RBPJ: variants seen among roughly 807,000 people sequenced by gnomAD.
RBPJ encodes the protein recombining binding protein suppressor of hairless.
RBPJ carries 9 observed loss-of-function variants against 67.8 expected under a neutral mutation model. The ratio of observed to expected loss-of-function variants is 0.13; its 90% confidence interval spans 0.08 to 0.23. The LOEUF (loss-of-function observed/expected upper bound fraction) is 0.23. Among genes scored for constraint, RBPJ ranks in the 10% least tolerant of loss-of-function variants. RBPJ has a pLI of 1.00. For synonymous variants in RBPJ, 198 were observed against 203.3 expected (o/e 0.97, Z 0.22); for missense variants, 305 against 595.6 (o/e 0.51, Z 5.08).
At chr4:26,161,221 G>A (rs1343998099), upstream of RBPJ, among the ~76,000 whole-genome samples, 1 of 152,210 alleles carries the variant, frequency 6.6e-6, no homozygotes, top group East Asian at 1.9e-4. Context: ...GTCGTCTGCT[G>A]GAGGGTGACA....
At chr4:26,381,284 C>A (rs1013104324) in intron 1 of RBPJ, among the ~76,000 whole-genome samples, 4 of 151,896 alleles carry the variant, frequency 2.6e-5, no homozygotes, top group Non-Finnish European at 5.9e-5. Context: ...GAAAACAATA[C>A]CTCCTCTGTG....
At chr4:26,414,504 A>G (rs774863910) in intron 3 of RBPJ, among the ~76,000 whole-genome samples, 8 of 152,178 alleles carry the variant, frequency 5.3e-5, no homozygotes, top group African/African-American at 1.9e-4. Flanking sequence ...CCGTTCACCC[A>G]TTTATATTAC....
Position 26,424,624 on chromosome 4 carries a change from A to T in RBPJ, c.635-7A>T. ...GACAATTTGATTTATTTTTCCACCT[A>T]CTGCAGTGGATGATGATGAATCAGA... On this transcript the variant is annotated splice_region_variant and splice_polypyrimidine_tract_variant and intron_variant, in intron 6 of 10. Transcript: ENST00000355476. This position sits in a 1 kb window ranked among gnomAD's most constrained non-coding sequence, Gnocchi z 5.3. 6.5e-7 allele frequency: 1 copy of T among 1,532,708 alleles called. No homozygotes were observed. 94.9% of individuals were successfully genotyped at this position (1,532,708 alleles called of 1,614,324 possible).
intron 1 of RBPJ, among the ~76,000 whole-genome samples, chr4:26,381,432 TA>T (rs199901313): frequency 5.3e-5 from 8 of 151,948 alleles, no homozygotes; most frequent in South Asian, 2.1e-4. Context: ...GATTGCAGCT[TA>T]AAAAAAATCT....
chr4:26,113,379 A>G, the RBPJ span: 8,012 of 547,358 alleles, frequency 0.015, 95 homozygotes, highest in Non-Finnish European at 0.02. Flanking sequence ...ACTCAGCTTC[A>G]GAGAACACAC....
At chr4:26,232,422 A>G (rs879373779) in intron 1 of RBPJ, among the ~76,000 whole-genome samples, 13 of 151,898 alleles carry the variant, frequency 8.6e-5, no homozygotes, top group African/African-American at 1.2e-4. Context: ...TACTTTTTGT[A>G]GAGACAGGCT....
At chr4:26,203,882 T>C (rs918605410) in intron 1 of RBPJ, among the ~76,000 whole-genome samples, 1 of 152,224 alleles carries the variant, frequency 6.6e-6, no homozygotes, top group South Asian at 2.1e-4. Flanking sequence ...GTTCTGGTCC[T>C]GATGCTACCT....
At chr4:26,199,965 C>G (rs991697191) in intron 1 of RBPJ, among the ~76,000 whole-genome samples, 3 of 152,128 alleles carry the variant, frequency 2.0e-5, no homozygotes, top group African/African-American at 7.2e-5. Context: ...GGGAGCTGTG[C>G]CATGTGATTC....
At chr4:26,328,440 A>G (rs1027608730) in intron 1 of RBPJ, among the ~76,000 whole-genome samples, 1 of 152,204 alleles carries the variant, frequency 6.6e-6, no homozygotes, top group African/African-American at 2.4e-5. Context: ...TTATTGTGTA[A>G]GGGAGATTAT....
intron 1 of RBPJ, among the ~76,000 whole-genome samples, chr4:26,301,628 C>T (rs1160328721): frequency 6.6e-6 from 1 of 150,940 alleles, no homozygotes; most frequent in Non-Finnish European, 1.5e-5. Context: ...ATTTTTTTTA[C>T]ATGCATGCAG....
chr4:26,362,211 A>G (rs972555483), intron 1 of RBPJ, among the ~76,000 whole-genome samples: 9 of 152,196 alleles, frequency 5.9e-5, no homozygotes, highest in African/African-American at 2.2e-4. Context: ...TGAGAAGAAA[A>G]TTGAAGAAAC....
chr4:26,142,584 T>G, the RBPJ span, among the ~76,000 whole-genome samples: 1 of 152,238 alleles, frequency 6.6e-6, no homozygotes, highest in Admixed American at 6.5e-5. Context: ...GTATCACACA[T>G]GCCTTATCAG....
At chr4:26,184,193 A>G (rs373733065) in intron 1 of RBPJ, among the ~76,000 whole-genome samples, 3 of 99,308 alleles carry the variant, frequency 3.0e-5, no homozygotes, top group Non-Finnish European at 6.1e-5. Context: ...AAAAAAAAAA[A>G]AAAGAAAGAA....
At chr4:26,339,429 T>C (rs974342232) in intron 1 of RBPJ, among the ~76,000 whole-genome samples, 4 of 151,660 alleles carry the variant, frequency 2.6e-5, no homozygotes, top group Non-Finnish European at 4.4e-5. Context: ...CGGTCAGGAG[T>C]TCGAGACTAG....
intron 1 of RBPJ, among the ~76,000 whole-genome samples, chr4:26,300,758 A>G (rs1722048147): frequency 6.6e-6 from 1 of 152,248 alleles, no homozygotes; most frequent in South Asian, 2.1e-4. Flanking sequence ...GCTTAGTAAC[A>G]GCCCCTGGCT....
At chr4:26,265,980 A>G (rs973151063) in intron 1 of RBPJ, among the ~76,000 whole-genome samples, 2 of 152,002 alleles carry the variant, frequency 1.3e-5, no homozygotes, top group African/African-American at 4.8e-5. Context: ...AGGTTGCTTC[A>G]CGATCGCACT....
the RBPJ span, among the ~76,000 whole-genome samples, chr4:26,156,753 C>T: frequency 1.6e-4 from 25 of 152,208 alleles, no homozygotes; most frequent in Middle Eastern, 0.01. Flanking sequence ...CCATGCCCAG[C>T]ATAGGTTATA....
chr4:26,170,924 T>C (rs1270375983), intron 1 of RBPJ, among the ~76,000 whole-genome samples: 1 of 152,200 alleles, frequency 6.6e-6, no homozygotes. Flanking sequence ...CACAATTGCT[T>C]CAAGGATTAA....
intron 3 of RBPJ, among the ~76,000 whole-genome samples, chr4:26,409,522 C>CA (rs1560332596): frequency 1.3e-5 from 2 of 152,114 alleles, no homozygotes; most frequent in African/African-American, 4.8e-5. Context: ...CTTTTTGAGA[C>CA]AGAGTCTCGC....
Sources: gnomAD v4.1 joint callset for allele counts (sites outside exome capture counted in the v4.1 genomes callset) on GRCh38, gnomAD v4.1.1 for gene constraint, Gnocchi (gnomAD v3.1) non-coding constraint, MANE v1.5 for transcripts, NCBI Gene and HGNC (gene_info 2026-07-23, HGNC 2026-07-21) for gene names.